The following NEBL variants were observed in gnomAD, a reference collection of about 807,000 sequenced individuals.
NEBL encodes nebulette.
A neutral mutation model predicts 140.2 loss-of-function variants in NEBL; 122 were observed. The observed-to-expected ratio is 0.87, with a 90% CI of 0.75 to 1.01. The LOEUF (loss-of-function observed/expected upper bound fraction) is 1.01, where lower values mean the gene tolerates loss of function less well. Ranked by LOEUF, NEBL falls within the 50% of genes least tolerant of loss-of-function variation. The pLI, the probability that NEBL is intolerant of heterozygous loss-of-function variation, is 0.00. For synonymous variants in NEBL, 436 were observed against 398.9 expected, an observed-to-expected ratio of 1.09 and a Z score of -1.11; for missense variants, 1,365 against 1,231.3, an observed-to-expected ratio of 1.11 and a Z score of -1.62.
intron 4 of NEBL, among the ~76,000 whole-genome samples, chr10:20,885,606 C>T (rs966847867): frequency 1.3e-5 from 2 of 152,126 alleles, no homozygotes; most frequent in Non-Finnish European, 2.9e-5. Flanking sequence ...TATTACAGCC[C>T]TATTTATGCT....
At chr10:20,814,553 G>C (rs1344436989) in intron 22 of NEBL, among the ~76,000 whole-genome samples, 1 of 151,724 alleles carries the variant, frequency 6.6e-6, no homozygotes, top group African/African-American at 2.4e-5. Flanking sequence ...AATGAGCTAT[G>C]ATTGTGCTAT....
intron 3 of NEBL, among the ~76,000 whole-genome samples, chr10:21,186,325 C>G (rs560660007): frequency 1.7e-4 from 26 of 148,892 alleles, no homozygotes; most frequent in Admixed American, 1.1e-3. Context: ...TAAATATATG[C>G]GTTGAAGTCC....
chr10:20,850,948 A>T (rs1298859139), intron 10 of NEBL, among the ~76,000 whole-genome samples: 2 of 152,210 alleles, frequency 1.3e-5, no homozygotes, highest in Non-Finnish European at 2.9e-5. Flanking sequence ...TGTCAAACGG[A>T]GGAGGATGTC....
At chr10:21,213,423 G>C (rs1307173278) in intron 3 of NEBL, among the ~76,000 whole-genome samples, 1 of 151,578 alleles carries the variant, frequency 6.6e-6, no homozygotes. Context: ...GCGGAGGACG[G>C]GGGAAGCTTC....
chr10:21,289,560 C>A (rs976856285), intron 1 of NEBL, among the ~76,000 whole-genome samples: 1 of 152,030 alleles, frequency 6.6e-6, no homozygotes, highest in Non-Finnish European at 1.5e-5. Flanking sequence ...GGTGTAATGC[C>A]CCCTTTCTCA....
intron 8 of NEBL, among the ~76,000 whole-genome samples, chr10:20,859,400 T>C (rs1843427260): frequency 1.3e-5 from 2 of 152,088 alleles, no homozygotes; most frequent in Non-Finnish European, 2.9e-5. Flanking sequence ...ATGAGGTAAC[T>C]ACTGTCCTAA....
chr10:21,082,574 G>A (rs1246084948), intron 2 of NEBL, among the ~76,000 whole-genome samples: 1 of 127,600 alleles, frequency 7.8e-6, no homozygotes, highest in African/African-American at 3.5e-5. Context: ...AATTAAGACT[G>A]TGTAGAGAGA....
At chr10:20,975,032 G>T (rs887398386) in intron 3 of NEBL, among the ~76,000 whole-genome samples, 15 of 152,068 alleles carry the variant, frequency 9.9e-5, no homozygotes, top group Non-Finnish European at 1.9e-4. Context: ...AATTATATTT[G>T]TCCTTTGCTG....
chr10:21,212,244 TATA>T (rs1841930118), intron 3 of NEBL, among the ~76,000 whole-genome samples: 1 of 152,070 alleles, frequency 6.6e-6, no homozygotes, highest in Non-Finnish European at 1.5e-5. Flanking sequence ...TTATGTTACA[TATA>T]ATATACATAT....
chr10:21,207,443 A>T (rs1056335968), intron 3 of NEBL, among the ~76,000 whole-genome samples: 1 of 152,164 alleles, frequency 6.6e-6, no homozygotes, highest in African/African-American at 2.4e-5. Context: ...TATTAACTCT[A>T]TAAAGATGGC....
intron 5 of NEBL, among the ~76,000 whole-genome samples, chr10:20,875,518 C>G (rs1845412221): frequency 6.6e-6 from 1 of 152,186 alleles, no homozygotes; most frequent in Non-Finnish European, 1.5e-5. Flanking sequence ...ACATGTGCAG[C>G]TGGAGGATTC....
chr10:20,839,817 A>T (rs1416178469), intron 13 of NEBL, among the ~76,000 whole-genome samples: 2 of 152,110 alleles, frequency 1.3e-5, no homozygotes, highest in African/African-American at 4.8e-5. Context: ...TGGAACTATA[A>T]AAAGGGATGT....
Position 21,103,043 on chromosome 10 carries a change from GTT to G in NEBL, c.164+69338_164+69339del, listed in dbSNP as rs536031882. Among the ~76,000 whole-genome samples, 224 of 142,080 alleles carry G rather than the reference GTT, an allele frequency of 1.6e-3. 2 individuals carry two copies. The South Asian group carries it at 0.033, about 21-fold the overall frequency. 93.2% of individuals were successfully genotyped at this position (142,080 alleles called of 152,430 possible). On this transcript the variant is annotated intron_variant, in intron 2 of 6. Coordinates refer to the NEBL transcript ENST00000417816. ...CTCCTTGTGTCCATGGCACACATAT[GTT>G]TTTATTTCTCTTCGAAAACTATCTT...
At chr10:20,814,070 C>A in intron 22 of NEBL, 27 bp from the exon 23 acceptor site, 1 of 1,361,340 alleles carries the variant, frequency 7.3e-7, no homozygotes, top group Non-Finnish European at 1.1e-6. Flanking sequence ...AGGCATAAGA[C>A]AATGATAAGA....
At chr10:21,086,181 G>A (rs7073109) in intron 2 of NEBL, among the ~76,000 whole-genome samples, 4,503 of 152,228 alleles carry the variant, frequency 0.03, 96 homozygotes, top group African/African-American at 0.059. Flanking sequence ...GTTCGACTCC[G>A]TGTTGTTATC....
At chr10:20,846,740 C>A (rs1327517015) in intron 11 of NEBL, among the ~76,000 whole-genome samples, 1 of 151,984 alleles carries the variant, frequency 6.6e-6, no homozygotes, top group Non-Finnish European at 1.5e-5. Flanking sequence ...CATGCATTTA[C>A]ATCAGCTAAT....
At chr10:21,233,311 G>C (rs1029225717) in intron 3 of NEBL, among the ~76,000 whole-genome samples, 1 of 152,086 alleles carries the variant, frequency 6.6e-6, no homozygotes, top group African/African-American at 2.4e-5. Context: ...GCCTCCCAAA[G>C]TGCAGGGATT....
intron 4 of NEBL, among the ~76,000 whole-genome samples, chr10:20,903,601 G>T (rs1847966946): frequency 1.3e-5 from 2 of 152,110 alleles, no homozygotes; most frequent in African/African-American, 4.8e-5. Flanking sequence ...CAATGGCAAG[G>T]ATACGGAACC....
intron 2 of NEBL, among the ~76,000 whole-genome samples, chr10:21,026,115 A>G (rs1306677718): frequency 6.6e-6 from 1 of 152,232 alleles, no homozygotes. Context: ...AATGAGAAAC[A>G]TTAGTGAACA....
Sources: allele counts gnomAD v4.1 joint callset (sites outside exome capture counted in the v4.1 genomes callset), GRCh38; gene constraint gnomAD v4.1.1; transcripts MANE v1.5; gene names NCBI Gene and HGNC (gene_info 2026-07-23, HGNC 2026-07-21).